CADPS2: variants seen among roughly 807,000 people sequenced by gnomAD.
CADPS2 encodes calcium-dependent secretion activator 2.
A neutral mutation model predicts 172.5 loss-of-function variants in CADPS2; 93 were observed. The ratio of observed to expected loss-of-function variants is 0.54; its 90% confidence interval spans 0.46 to 0.64. The LOEUF is 0.64. Ranked by LOEUF, CADPS2 falls within the 30% of genes least tolerant of loss-of-function variation. CADPS2 has a pLI of 0.00. For synonymous variants in CADPS2, 546 were observed against 555.2 expected (o/e 0.98, Z 0.23); for missense variants, 1,420 against 1,565.9 (o/e 0.91, Z 1.57).
intron 1 of CADPS2, among the ~76,000 whole-genome samples, chr7:122,882,503 G>A (rs1029567602): frequency 3.9e-5 from 6 of 151,972 alleles, no homozygotes; most frequent in East Asian, 1.9e-4. Flanking sequence ...ATATTGTTAC[G>A]AATTTAGACC....
intron 14 of CADPS2, among the ~76,000 whole-genome samples, chr7:122,455,993 A>G (rs920856929): frequency 5.3e-5 from 8 of 152,156 alleles, no homozygotes; most frequent in South Asian, 2.1e-4. Flanking sequence ...AAGAGCCACC[A>G]TGCCCAGCTT....
intron 6 of CADPS2, among the ~76,000 whole-genome samples, chr7:122,601,692 A>G (rs557341368): frequency 6.6e-6 from 1 of 151,940 alleles, no homozygotes; most frequent in Non-Finnish European, 1.5e-5. Context: ...TGCAAAAAAA[A>G]CCCCCAAATC....
intron 2 of CADPS2, chr7:122,701,983 G>A (rs757080508): frequency 6.2e-7 from 1 of 1,613,692 alleles, no homozygotes; most frequent in Admixed American, 1.7e-5. Context: ...CAACACAGTT[G>A]TCTTCATTTA....
chr7:122,654,536 A>G (rs540774414), intron 3 of CADPS2, among the ~76,000 whole-genome samples: 4 of 152,232 alleles, frequency 2.6e-5, no homozygotes, highest in African/African-American at 7.2e-5. Context: ...CCATAAATGG[A>G]ACAACAAAGC....
intron 3 of CADPS2, among the ~76,000 whole-genome samples, chr7:122,634,925 G>C (rs865850805): frequency 6.6e-6 from 1 of 152,016 alleles, no homozygotes; most frequent in Admixed American, 6.6e-5. Flanking sequence ...ATTTATTCAG[G>C]AGAAAATTGT....
chr7:122,830,693 A>G (rs1224672179), intron 1 of CADPS2, among the ~76,000 whole-genome samples: 2 of 152,236 alleles, frequency 1.3e-5, no homozygotes, highest in African/African-American at 2.4e-5. Context: ...AAAAGCAAAA[A>G]GTCTCATCAT....
At chr7:122,844,787 T>C (rs1811517997) in intron 1 of CADPS2, among the ~76,000 whole-genome samples, 1 of 151,984 alleles carries the variant, frequency 6.6e-6, no homozygotes, top group Non-Finnish European at 1.5e-5. Context: ...GTCAGGCAAA[T>C]ATTTAAGTTT....
At chr7:122,575,736 C>A (rs1563752012) in intron 7 of CADPS2, among the ~76,000 whole-genome samples, 1 of 152,164 alleles carries the variant, frequency 6.6e-6, no homozygotes, top group Non-Finnish European at 1.5e-5. Context: ...TGCACCTGGA[C>A]AGAAATGTTA....
chr7:122,392,453 G>A (rs1215855611), intron 22 of CADPS2, among the ~76,000 whole-genome samples: 1 of 151,486 alleles, frequency 6.6e-6, no homozygotes, highest in Non-Finnish European at 1.5e-5. Context: ...TTTTAGAGTT[G>A]AGGAAAAAAC....
At chr7:122,691,374 G>A (rs1248528947) in intron 2 of CADPS2, among the ~76,000 whole-genome samples, 1 of 152,218 alleles carries the variant, frequency 6.6e-6, no homozygotes, top group Non-Finnish European at 1.5e-5. Flanking sequence ...AAAGCCTGTT[G>A]GCACTTCCAA....
intron 8 of CADPS2, among the ~76,000 whole-genome samples, chr7:122,530,573 TCA>T (rs2061673738): frequency 6.6e-6 from 1 of 152,144 alleles, no homozygotes; most frequent in South Asian, 2.1e-4. Context: ...TTTACATATC[TCA>T]GTTAATATAA....
intron 1 of CADPS2, among the ~76,000 whole-genome samples, chr7:122,884,376 T>C (rs966057872): frequency 1.1e-4 from 16 of 152,200 alleles, no homozygotes; most frequent in African/African-American, 3.4e-4. Flanking sequence ...ATGGGATTCA[T>C]ACAGGAGTGG....
intron 1 of CADPS2, among the ~76,000 whole-genome samples, chr7:122,867,532 T>C (rs1818625981): frequency 6.6e-6 from 1 of 151,992 alleles, no homozygotes; most frequent in Non-Finnish European, 1.5e-5. Flanking sequence ...ACTTTTAGAG[T>C]CCCTGCTGAA....
chr7:122,511,603 T>C (rs1215339651), intron 9 of CADPS2, among the ~76,000 whole-genome samples: 1 of 152,196 alleles, frequency 6.6e-6, no homozygotes, highest in Non-Finnish European at 1.5e-5. Context: ...CTATGCTTGC[T>C]AAGTTAGCTG....
At chr7:122,561,204 CT>C (rs2065720999) in intron 7 of CADPS2, among the ~76,000 whole-genome samples, 1 of 151,988 alleles carries the variant, frequency 6.6e-6, no homozygotes, top group Admixed American at 6.6e-5. Context: ...AAATTGAGTT[CT>C]TTTATTTTCA....
At chr7:122,685,845 A>G (rs2083552921) in intron 2 of CADPS2, among the ~76,000 whole-genome samples, 1 of 152,228 alleles carries the variant, frequency 6.6e-6, no homozygotes, top group African/African-American at 2.4e-5. Context: ...GGAAGACAGT[A>G]ATTCATTCCA....
chr7:122,630,293 T>A (rs1229731147), intron 3 of CADPS2, among the ~76,000 whole-genome samples: 1 of 151,272 alleles, frequency 6.6e-6, no homozygotes, highest in African/African-American at 2.4e-5. Context: ...TTTAAAAACA[T>A]CCTCAAAGAG....
chr7:122,848,636 T>A (rs1812680088), intron 1 of CADPS2, among the ~76,000 whole-genome samples: 1 of 152,190 alleles, frequency 6.6e-6, no homozygotes. Flanking sequence ...AAATGCCTGT[T>A]TTTTCCCCAT....
chr7:122,880,198 T>C (rs559828328), intron 1 of CADPS2, among the ~76,000 whole-genome samples: 8 of 152,318 alleles, frequency 5.3e-5, no homozygotes, highest in African/African-American at 1.7e-4. Context: ...TGTATTCTTC[T>C]TCCCAGTTCA....
Sources: allele counts gnomAD v4.1 joint callset (sites outside exome capture counted in the v4.1 genomes callset), GRCh38; gene constraint gnomAD v4.1.1; transcripts MANE v1.5; gene names NCBI Gene and HGNC (gene_info 2026-07-23, HGNC 2026-07-21).